Variants in BIVM observed in about 807,000 individuals in gnomAD.
BIVM encodes basic, immunoglobulin-like variable motif containing.
In BIVM, 31 loss-of-function variants were observed where a neutral mutation model predicts 61.4. The ratio of observed to expected loss-of-function variants is 0.51; its 90% confidence interval spans 0.38 to 0.68. The LOEUF (loss-of-function observed/expected upper bound fraction) is 0.68, where lower values mean the gene tolerates loss of function less well. BIVM is among the 30% of genes least tolerant of loss of function. The probability of loss-of-function intolerance (pLI) is 0.00; values close to 1 mark genes in which losing one functional copy is unlikely to be tolerated. For synonymous variants in BIVM, 189 were observed against 210.7 expected (o/e 0.90, Z 0.89); for missense variants, 526 against 596.0 (o/e 0.88, Z 1.22).
rs754256749 is a variant in BIVM, at chr13:102,807,582, T to C, written c.315T>C (p.Asn105=). 1.1e-5 allele frequency: 18 copies of C among 1,614,216 alleles called. No homozygotes were observed. The highest frequency in any genetic ancestry group is 1.5e-5 in the Non-Finnish European group (18 of 1,180,046). Residue 105 remains asparagine (N), a synonymous_variant, in exon 3 of 11, where the codon AAT becomes AAC. Coordinates refer to ENST00000257336, the MANE Select transcript of BIVM (RefSeq NM_017693.4). The surrounding 1 kb of genome is among the most constrained non-coding windows in gnomAD (Gnocchi z 4.0). ...PDSTSLSAGN[N]SSRYIGIPTS... ...GTACCTCTTTATCTGCTGGAAATAA[T>C]TCATCAAGATACATTGGTATCCCGA...
intron 8 of BIVM, among the ~76,000 whole-genome samples, 178 bp downstream of exon 8, chr13:102,831,875 A>T (rs1881107420): frequency 2.7e-3 from 1 of 370 alleles, no homozygotes; most frequent in Admixed American, 0.071. Context: ...TAAAAATACA[A>T]AAAAAAAAAA....
Position 102,805,377 on chromosome 13 carries a change from C to A in BIVM, c.-136C>A, listed in dbSNP as rs760373129. On this transcript the variant is annotated 5_prime_UTR_variant, in exon 2 of 11. Coordinates refer to ENST00000257336, the MANE Select transcript of BIVM (RefSeq NM_017693.4). Reference sequence around the variant, plus strand: ...AAGTTAGTGACACCTTGATTGGATCCGTTTTTCTGTCAGGTGATGAATCTT... The same window carrying A: ...AAGTTAGTGACACCTTGATTGGATCAGTTTTTCTGTCAGGTGATGAATCTT... 6.6e-6 allele frequency: 1 copy of A among 152,260 alleles called. No homozygotes were observed. The highest frequency in any genetic ancestry group is 1.9e-4 in the East Asian group (1 of 5,188). The allele number at this position is 152,260 out of a possible 1,614,324, so 9.4% of individuals were successfully genotyped here. A position where few individuals can be genotyped will look rare whatever the true frequency, so the allele number is the denominator to read the frequency against.
At chr13:102,827,168 T>C (rs1391734085) in intron 7 of BIVM, among the ~76,000 whole-genome samples, 1 of 152,148 alleles carries the variant, frequency 6.6e-6, no homozygotes, top group Non-Finnish European at 1.5e-5. Flanking sequence ...TTTCCAATAG[T>C]CTGGTACCTC....
chr13:102,827,275 C>A (rs200061592), intron 7 of BIVM, among the ~76,000 whole-genome samples: 6 of 139,362 alleles, frequency 4.3e-5, no homozygotes, highest in African/African-American at 1.6e-4. Context: ...GTCCCAATGA[C>A]TTTTTTTTTT....
In BIVM at chr13:102,834,470, G is replaced by C; in HGVS notation, c.1039G>C (p.Gly347Arg). 6.3e-7 allele frequency: 1 copy of C among 1,595,738 alleles called. No individual in the cohort carries two copies. The highest frequency in any genetic ancestry group is 1.1e-5 in the South Asian group (1 of 87,374). ...PVKANKAFSR[G>R]PLSPQEVEYW... ...GTGAATGTATTTTATATTTAGCAGG[G>C]GACCTCTCTCACCACAGGAAGTTGA... Residue 347 changes from glycine to arginine, a missense_variant, in exon 9 of 11, where the codon GGA (glycine) becomes CGA (arginine). By Grantham distance (125) the Gly-to-Arg change is moderately radical. Transcript: ENST00000257336.
chr13:102,821,704 G>A (rs1880301551), intron 5 of BIVM, 39 bp from the exon 6 acceptor site: 1 of 1,592,964 alleles, frequency 6.3e-7, no homozygotes. Context: ...CGTATGACTG[G>A]AATTGAAAAA....
chr13:102,822,407 ACTC>A (rs1880353264), intron 7 of BIVM, among the ~76,000 whole-genome samples: 1 of 151,854 alleles, frequency 6.6e-6, no homozygotes, highest in Non-Finnish European at 1.5e-5. Flanking sequence ...CACAAACACT[ACTC>A]TAACACATTG....
At position 102,821,130 on chromosome 13, in the gene BIVM, A is replaced by C. The variant is rs752423095; in HGVS notation, c.699A>C (p.Gly233=). Residue 233 remains glycine, a splice_region_variant and synonymous_variant, in exon 5 of 11, where the codon GGA becomes GGC. Transcript: ENST00000257336. ...TCTTATACAGCACAATGGGAGCTGG[A>C]AAGTAAGTATGTCAATTTATCAGTA... ...WNFLYSTMGA[G]NLPPITQEEA... 5 of 1,609,818 alleles carry C rather than the reference A, an allele frequency of 3.1e-6. No individual in the cohort carries two copies. In the African/African-American group the frequency reaches 6.7e-5, roughly 21 times the overall value.
At chr13:102,808,093 G>T (rs1244561019) in intron 3 of BIVM, among the ~76,000 whole-genome samples, 1 of 152,224 alleles carries the variant, frequency 6.6e-6, no homozygotes. Flanking sequence ...ATAGGCACAT[G>T]AAGTTGTATT....
At chr13:102,827,265 G>A (rs1458000358) in intron 7 of BIVM, among the ~76,000 whole-genome samples, 1 of 136,172 alleles carries the variant, frequency 7.3e-6, no homozygotes, top group Non-Finnish European at 1.5e-5. Context: ...GTAGCATTGG[G>A]TCCCAATGAC....
intron 7 of BIVM, among the ~76,000 whole-genome samples, chr13:102,822,670 G>A (rs968791747): frequency 3.9e-5 from 6 of 152,132 alleles, no homozygotes; most frequent in African/African-American, 1.4e-4. Flanking sequence ...TATTAATGGA[G>A]TTGATCTCAA....
chr13:102,826,363 G>A (rs961558703), intron 7 of BIVM, among the ~76,000 whole-genome samples: 8 of 152,206 alleles, frequency 5.3e-5, no homozygotes, highest in Middle Eastern at 3.4e-3. Context: ...ACAGTTTTTC[G>A]TGTGTTCCTA....
chr13:102,823,100 GT>G (rs1269852813), intron 7 of BIVM, among the ~76,000 whole-genome samples: 1 of 152,174 alleles, frequency 6.6e-6, no homozygotes, highest in African/African-American at 2.4e-5. Flanking sequence ...GATATTAAGG[GT>G]TGTGGGTTCT....
At chr13:102,808,606 G>A (rs1879268171) in intron 3 of BIVM, among the ~76,000 whole-genome samples, 1 of 152,026 alleles carries the variant, frequency 6.6e-6, no homozygotes, top group African/African-American at 2.4e-5. Flanking sequence ...TAAATTTGTA[G>A]GTAATGAGTC....
chr13:102,830,728 C>T (rs965669656), intron 7 of BIVM, among the ~76,000 whole-genome samples: 2 of 152,104 alleles, frequency 1.3e-5, no homozygotes, highest in African/African-American at 4.8e-5. Context: ...ATTAGGCTCA[C>T]AGATACTTTG....
intron 1 of BIVM, among the ~76,000 whole-genome samples, chr13:102,802,084 G>A (rs542197523): frequency 6.6e-6 from 1 of 152,280 alleles, no homozygotes; most frequent in Admixed American, 6.5e-5. Context: ...TCATATATAT[G>A]TAGCAAACTT....
Position 102,821,856 on chromosome 13 carries a change from A to T in BIVM, c.806+9A>T. On this transcript the variant is annotated intron_variant, in intron 6 of 10. Transcript: ENST00000257336. ...AATACAACACTTATGAGGTATGAAG[A>T]CCCTCTTAGAGGCAATATCGTGTTT... The T allele has an allele frequency of 6.2e-7, 1 of 1,610,406 alleles. No individual in the cohort carries two copies. The highest frequency in any genetic ancestry group is 8.5e-7 in the Non-Finnish European group (1 of 1,178,528).
At chr13:102,822,222 C>T in intron 7 of BIVM, 63 bp downstream of exon 7, 1 of 1,487,568 alleles carries the variant, frequency 6.7e-7, no homozygotes. Context: ...CACATACACA[C>T]ACACGGTTTA....
chr13:102,817,772 G>C (rs1319056691), intron 4 of BIVM, among the ~76,000 whole-genome samples: 1 of 151,518 alleles, frequency 6.6e-6, no homozygotes, highest in Non-Finnish European at 1.5e-5. Context: ...TTAAAATACA[G>C]TTCCTAGTCT....
Sources: allele counts gnomAD v4.1 joint callset (sites outside exome capture counted in the v4.1 genomes callset), GRCh38; gene constraint gnomAD v4.1.1; non-coding constraint Gnocchi (gnomAD v3.1); transcripts MANE v1.5; gene names NCBI Gene and HGNC (gene_info 2026-07-23, HGNC 2026-07-21).